The following GPD2 variants were observed in gnomAD, a reference collection of about 807,000 sequenced individuals.
GPD2 encodes the protein glycerol-3-phosphate dehydrogenase 2.
In GPD2, 54 loss-of-function variants were observed where a neutral mutation model predicts 82.4. That is an observed-to-expected ratio of 0.66 (90% CI 0.53 to 0.82). The LOEUF (loss-of-function observed/expected upper bound fraction) is 0.82, where lower values mean the gene tolerates loss of function less well. Among genes scored for constraint, GPD2 ranks in the 40% least tolerant of loss-of-function variants. The pLI is 0.00. For missense variants in GPD2, 748 were observed against 896.2 expected (o/e 0.83, Z 2.11); for synonymous variants, 288 against 306.1 (o/e 0.94, Z 0.62).
At position 156,451,999 on chromosome 2, in the gene GPD2, G is replaced by A. The variant is rs1406910649; in HGVS notation, c.-9+15486G>A. Reference sequence around the variant, plus strand: ...GCTCCCCACATCTCAGACGATGGGCGGCCGGGCAGAGATGCTTCTCTCTTC... The same window carrying A: ...GCTCCCCACATCTCAGACGATGGGCAGCCGGGCAGAGATGCTTCTCTCTTC... On this transcript the variant is annotated intron_variant, in intron 1 of 16. Transcript: ENST00000438166. Among the ~76,000 whole-genome samples the A allele has an allele frequency of 4.6e-5, 7 of 151,960 alleles. No homozygotes were observed. In the South Asian group the frequency reaches 6.2e-4, roughly 14 times the overall value.
chr2:156,523,249 C>T (rs1040928529), intron 6 of GPD2, among the ~76,000 whole-genome samples: 4 of 152,118 alleles, frequency 2.6e-5, no homozygotes, highest in Admixed American at 2.6e-4. Flanking sequence ...CCTAGTCATC[C>T]TTCCCCCTCC....
the GPD2 span, among the ~76,000 whole-genome samples, chr2:156,404,204 CAAAAAAT>C: frequency 6.6e-6 from 1 of 151,258 alleles, no homozygotes; most frequent in African/African-American, 2.4e-5. Flanking sequence ...CTTGTCTCTA[CAAAAAAT>C]AAAAATTAAA....
upstream of GPD2, among the ~76,000 whole-genome samples, chr2:156,434,527 T>A (rs1368426745): frequency 1.3e-5 from 2 of 152,262 alleles, no homozygotes; most frequent in East Asian, 3.9e-4. Context: ...TCCAGGAACA[T>A]GAAGATATGG....
At chr2:156,460,341 C>T (rs762281664) in intron 1 of GPD2, among the ~76,000 whole-genome samples, 1 of 152,106 alleles carries the variant, frequency 6.6e-6, no homozygotes, top group Non-Finnish European at 1.5e-5. Flanking sequence ...CAGTGTGATG[C>T]CAACACTTCA....
At chr2:156,429,764 G>A in the GPD2 span, among the ~76,000 whole-genome samples, 4 of 152,120 alleles carry the variant, frequency 2.6e-5, no homozygotes, top group Non-Finnish European at 5.9e-5. Flanking sequence ...AAGATTTTCT[G>A]TTGGATATTT....
At chr2:156,465,502 C>G (rs907336903) in intron 1 of GPD2, among the ~76,000 whole-genome samples, 7 of 151,926 alleles carry the variant, frequency 4.6e-5, no homozygotes, top group Non-Finnish European at 1.0e-4. Flanking sequence ...ACTGGTACTA[C>G]AGGCATGTGC....
the GPD2 span, among the ~76,000 whole-genome samples, chr2:156,406,173 G>A: frequency 1.3e-5 from 2 of 151,984 alleles, no homozygotes; most frequent in African/African-American, 4.8e-5. Flanking sequence ...TACTGGCTGG[G>A]AATTAAATCA....
rs762315073 is a variant in GPD2 at position 156,531,168 on chromosome 2, GTCTTC to G, written c.661+17680_661+17684del. On this transcript the variant is annotated intron_variant, in intron 6 of 16. Transcript: ENST00000438166. ...ACATTTGCTGTTTAATGTTACTTTG[GTCTTC>G]TCTTCTCCCCATCCCATCCCAAATA... 1.1e-4 allele frequency among the ~76,000 whole-genome samples: 16 copies of G among 151,984 alleles called. 1 individual carries two copies. Among genetic ancestry groups the G allele is most frequent in the Admixed American group, 7.2e-4 (11 of 15,256 alleles).
At chr2:156,553,432 G>T (rs529593268) in intron 8 of GPD2, among the ~76,000 whole-genome samples, 1 of 151,984 alleles carries the variant, frequency 6.6e-6, no homozygotes, top group African/African-American at 2.4e-5. Context: ...TTAATATAGA[G>T]AATTCAAACT....
At chr2:156,544,404 G>T (rs185763167) in intron 6 of GPD2, among the ~76,000 whole-genome samples, 76 of 152,264 alleles carry the variant, frequency 5.0e-4, no homozygotes, top group Admixed American at 2.1e-3. Flanking sequence ...ACATGGGTGA[G>T]TTGAGAGTTA....
chr2:156,467,044 T>C (rs2105185620), intron 1 of GPD2, among the ~76,000 whole-genome samples: 1 of 152,314 alleles, frequency 6.6e-6, no homozygotes, highest in East Asian at 1.9e-4. Context: ...CTTTACACTA[T>C]GTGAATTGAT....
At chr2:156,557,303 A>T (rs1686998529) in intron 8 of GPD2, 86 bp from the exon 9 acceptor site, 1 of 840,696 alleles carries the variant, frequency 1.2e-6, no homozygotes, top group Admixed American at 2.0e-5. Context: ...ATATTTGAGA[A>T]TTAATGAATA....
chr2:156,440,515 C>T (rs1374399813), intron 1 of GPD2, among the ~76,000 whole-genome samples: 1 of 152,062 alleles, frequency 6.6e-6, no homozygotes, highest in Non-Finnish European at 1.5e-5. Context: ...TTTTTGTTTT[C>T]CCTTTGGCTT....
chr2:156,508,222 C>T (rs2105264923), intron 3 of GPD2, among the ~76,000 whole-genome samples: 1 of 152,038 alleles, frequency 6.6e-6, no homozygotes, highest in Middle Eastern at 3.4e-3. Flanking sequence ...GGACTGAGGT[C>T]TCTGTTCCTC....
chr2:156,533,795 C>T (rs1214645317), intron 6 of GPD2, among the ~76,000 whole-genome samples: 1 of 152,222 alleles, frequency 6.6e-6, no homozygotes, highest in African/African-American at 2.4e-5. Flanking sequence ...TGTGGCTCAT[C>T]TGTTCGGCCA....
chr2:156,477,694 G>C (rs531400924), intron 2 of GPD2, among the ~76,000 whole-genome samples: 2 of 152,120 alleles, frequency 1.3e-5, no homozygotes, highest in African/African-American at 4.8e-5. Context: ...ATATTGATTG[G>C]GTTCATAGTG....
Position 156,484,227 on chromosome 2 carries a change from C to T in GPD2, c.102+8020C>T, listed in dbSNP as rs539007663. On this transcript the variant is annotated intron_variant, in intron 2 of 16. Transcript: ENST00000438166. ...TCGGCTCACTGCAACCTCTGCCTCCCGGGTTCAAGCAATTCTTCTTGCCTC... is the reference window on the plus strand; with the variant it reads ...TCGGCTCACTGCAACCTCTGCCTCCTGGGTTCAAGCAATTCTTCTTGCCTC... 3.5e-3 allele frequency among the ~76,000 whole-genome samples: 530 copies of T among 152,048 alleles called. 11 individuals are homozygous for T. The highest frequency in any genetic ancestry group is 0.012 in the African/African-American group (504 of 41,486).
intron 8 of GPD2, among the ~76,000 whole-genome samples, chr2:156,552,780 G>A (rs1420245174): frequency 2.6e-5 from 4 of 151,638 alleles, no homozygotes; most frequent in Non-Finnish European, 5.9e-5. Context: ...CAAAGAGATT[G>A]TTCGCAGAAT....
chr2:156,581,071 T>C (rs17200880), intron 16 of GPD2, among the ~76,000 whole-genome samples: 35,456 of 152,062 alleles, frequency 0.23, 5,052 homozygotes, highest in Middle Eastern at 0.34. Flanking sequence ...TTTATGAATA[T>C]GCTATGTGGT....
Sources: gnomAD v4.1 joint callset for allele counts (sites outside exome capture counted in the v4.1 genomes callset) on GRCh38, gnomAD v4.1.1 for gene constraint, MANE v1.5 for transcripts, NCBI Gene and HGNC (gene_info 2026-07-23, HGNC 2026-07-21) for gene names.